The following GRIK3 variants were observed in gnomAD, a reference collection of about 807,000 sequenced individuals.
GRIK3 encodes glutamate receptor ionotropic, kainate 3.
Under a neutral mutation model 102.5 loss-of-function variants are expected in GRIK3, and 29 were observed. The ratio of observed to expected loss-of-function variants is 0.28; its 90% CI spans 0.21 to 0.39. The LOEUF (loss-of-function observed/expected upper bound fraction) is 0.39, where lower values mean the gene tolerates loss of function less well. GRIK3 is among the 10% of genes least tolerant of loss of function. The probability of loss-of-function intolerance (pLI) is 1.00; values close to 1 mark genes in which losing one functional copy is unlikely to be tolerated. For missense variants in GRIK3, 908 were observed against 1,252.4 expected, an observed-to-expected ratio of 0.73 and a Z score of 4.15; for synonymous variants, 511 against 504.9, an observed-to-expected ratio of 1.01 and a Z score of -0.16.
At chr1:36,966,500 C>T (rs1301746055) in intron 1 of GRIK3, among the ~76,000 whole-genome samples, 1 of 152,104 alleles carries the variant, frequency 6.6e-6, no homozygotes, top group African/African-American at 2.4e-5. Context: ...TTGGCTAAGG[C>T]TGAGGATGAC....
chr1:36,817,062 T>G lies in GRIK3; in HGVS notation c.2089A>C (p.Lys697Gln). Residue 697 changes from lysine to glutamine, a missense_variant and splice_region_variant, in exon 13 of 16, where the codon AAG becomes CAG. Lys to Gln is a moderately conservative substitution (Grantham distance 53). Around this residue, in one of 3 missense-constraint regions of GRIK3, gnomAD observed 297 missense variants for 362.7 expected, o/e 0.82. Transcript: ENST00000373091. ...CAATAGGAGGGAGAGGGCCTCACCT[T>G]GAAGAAGGTCATGGTGGCCCCATCC... ...VKDGATMTFF[K>Q]KSKISTFEKM... 6.2e-7 allele frequency: 1 copy of G among 1,610,536 alleles called. No homozygotes were observed. Among genetic ancestry groups the G allele is most frequent in the Non-Finnish European group, 8.5e-7 (1 of 1,176,792 alleles).
chr1:36,814,286 T>A (rs914949983), intron 13 of GRIK3, among the ~76,000 whole-genome samples: 1 of 152,124 alleles, frequency 6.6e-6, no homozygotes, highest in African/African-American at 2.4e-5. Context: ...CCGTTTCACT[T>A]TGATCGGGAG....
intron 1 of GRIK3, among the ~76,000 whole-genome samples, chr1:36,951,171 AG>A (rs1438263939): frequency 6.6e-6 from 1 of 152,232 alleles, no homozygotes; most frequent in African/African-American, 2.4e-5. Flanking sequence ...AGCTTACAGC[AG>A]GGGGCTGGAC....
At chr1:36,816,074 C>T (rs918402003) in intron 13 of GRIK3, among the ~76,000 whole-genome samples, 1 of 152,142 alleles carries the variant, frequency 6.6e-6, no homozygotes, top group African/African-American at 2.4e-5. Context: ...AACAAGTCCT[C>T]CAGATGATCT....
At chr1:36,928,880 G>C (rs1641558358) in intron 1 of GRIK3, among the ~76,000 whole-genome samples, 1 of 152,226 alleles carries the variant, frequency 6.6e-6, no homozygotes, top group Admixed American at 6.5e-5. Context: ...AGTCAGCCTT[G>C]GGGTACAGGT....
chr1:36,842,461 A>T (rs957611471), intron 9 of GRIK3, among the ~76,000 whole-genome samples: 2 of 152,206 alleles, frequency 1.3e-5, no homozygotes, highest in Non-Finnish European at 2.9e-5. Context: ...CGCTGCTGTA[A>T]AAAGCCCTTC....
chr1:36,976,572 T>A (rs1642198386), intron 1 of GRIK3, among the ~76,000 whole-genome samples: 1 of 152,104 alleles, frequency 6.6e-6, no homozygotes, highest in Non-Finnish European at 1.5e-5. Context: ...TCAGTCACTA[T>A]CCGGCTTCAC....
At position 36,800,777 on chromosome 1, in the gene GRIK3, T is replaced by G. The variant is rs113144133; in HGVS notation, c.*1074A>C. 2.2e-3 allele frequency: 328 copies of G among 152,296 alleles called. 1 individual carries two copies. Among genetic ancestry groups the G allele is most frequent in the African/African-American group, 7.6e-3 (316 of 41,554 alleles). 9.4% of individuals were successfully genotyped at this position (152,296 alleles called of 1,614,324 possible). On this transcript the variant is annotated 3_prime_UTR_variant, in exon 16 of 16. Transcript: ENST00000373091. Reference sequence around the variant, plus strand: ...TCTGTGTAGTAGGACACTAACTCCTTTTTTGAGGAGGGACAACTTGACTTT... The same window carrying G: ...TCTGTGTAGTAGGACACTAACTCCTGTTTTGAGGAGGGACAACTTGACTTT...
At chr1:36,859,347 A>C in intron 6 of GRIK3, 96 bp from the exon 7 acceptor site, 2 of 1,341,578 alleles carry the variant, frequency 1.5e-6, no homozygotes. Context: ...CCACAGGTAC[A>C]TGATGTCCTG....
chr1:36,914,092 G>A (rs574091284), intron 1 of GRIK3, among the ~76,000 whole-genome samples: 18 of 152,272 alleles, frequency 1.2e-4, no homozygotes, highest in African/African-American at 4.3e-4. Context: ...ACGGTGCCGG[G>A]GCAGGTGTGG....
chr1:36,834,132 A>ATTTCTTCCACT (rs774599235), intron 10 of GRIK3, among the ~76,000 whole-genome samples: 9 of 152,204 alleles, frequency 5.9e-5, no homozygotes, highest in Non-Finnish European at 1.2e-4. Flanking sequence ...ACTAGAATGT[A>ATTTCTTCCACT]GGATCTTGAG....
rs1281112702 is a variant in GRIK3, at chr1:36,872,902, T to C, written c.551-533A>G. Among the ~76,000 whole-genome samples the C allele has an allele frequency of 6.6e-6, 1 of 152,244 alleles. No homozygotes were observed. ...CAAAAGGCAGCTCCAGCCTCAGTGG[T>C]ACTAACCTGTACCAACCACTGGGCT... On this transcript the variant is annotated intron_variant, in intron 3 of 15. Transcript: ENST00000373091. This position sits in a 1 kb window ranked among gnomAD's most constrained non-coding sequence, Gnocchi z 5.9.
intron 1 of GRIK3, among the ~76,000 whole-genome samples, chr1:36,939,260 T>C (rs1425563966): frequency 1.3e-5 from 2 of 152,162 alleles, no homozygotes; most frequent in Non-Finnish European, 1.5e-5. Context: ...AGTAGCAACA[T>C]CAGAACAGCA....
intron 1 of GRIK3, among the ~76,000 whole-genome samples, chr1:37,023,151 A>G (rs984347592): frequency 1.3e-5 from 2 of 151,998 alleles, no homozygotes; most frequent in Non-Finnish European, 2.9e-5. Context: ...ACATGGTGAA[A>G]CCCCATCTCT....
At chr1:36,820,762 G>A (rs553612737) in intron 11 of GRIK3, among the ~76,000 whole-genome samples, 22 of 152,248 alleles carry the variant, frequency 1.4e-4, no homozygotes, top group African/African-American at 4.6e-4. Context: ...AGAACAATGC[G>A]TTATATAATT....
intron 2 of GRIK3, among the ~76,000 whole-genome samples, chr1:36,883,519 T>C (rs1641006127): frequency 6.6e-6 from 1 of 152,216 alleles, no homozygotes; most frequent in African/African-American, 2.4e-5. Flanking sequence ...GCTTTCCCTC[T>C]GGAAGACAGA....
At chr1:37,015,585 T>C (rs1191814231) in intron 1 of GRIK3, among the ~76,000 whole-genome samples, 5 of 152,170 alleles carry the variant, frequency 3.3e-5, no homozygotes, top group African/African-American at 1.2e-4. Flanking sequence ...CAGGGGACTC[T>C]TGACACCAAA....
chr1:36,856,512 G>A (rs1245037722), intron 7 of GRIK3, among the ~76,000 whole-genome samples: 2 of 152,164 alleles, frequency 1.3e-5, no homozygotes, highest in Admixed American at 1.3e-4. Flanking sequence ...TTACTGTCAT[G>A]CAATCAGATG....
intron 11 of GRIK3, among the ~76,000 whole-genome samples, chr1:36,824,385 T>C (rs1642730543): frequency 6.6e-6 from 1 of 152,216 alleles, no homozygotes; most frequent in Non-Finnish European, 1.5e-5. Context: ...AAGGCCTCTC[T>C]GTGGCAGGCT....
Sources: allele counts gnomAD v4.1 joint callset (sites outside exome capture counted in the v4.1 genomes callset), GRCh38; gene constraint gnomAD v4.1.1; regional missense constraint gnomAD v4.1.1; non-coding constraint Gnocchi (gnomAD v3.1); transcripts MANE v1.5; gene names NCBI Gene and HGNC (gene_info 2026-07-23, HGNC 2026-07-21).